MCM6: variants seen among roughly 807,000 people sequenced by gnomAD.
The protein encoded by MCM6 is DNA replication licensing factor MCM6.
A neutral mutation model predicts 94.3 loss-of-function variants in MCM6; 46 were observed. The observed-to-expected ratio is 0.49, with a 90% confidence interval of 0.39 to 0.62. The LOEUF (loss-of-function observed/expected upper bound fraction) is 0.62. Ranked by LOEUF, MCM6 falls within the 20% of genes least tolerant of loss-of-function variation. MCM6 has a pLI of 0.00. For missense variants in MCM6, 865 were observed against 1,017.9 expected (o/e 0.85, Z 2.04); for synonymous variants, 335 against 351.9 (o/e 0.95, Z 0.54).
chr2:135,858,927 T>G (rs1397629587), intron 9 of MCM6, among the ~76,000 whole-genome samples: 1 of 152,180 alleles, frequency 6.6e-6, no homozygotes, highest in Non-Finnish European at 1.5e-5. Flanking sequence ...AGTCTCGCTC[T>G]GTCACCCAGG....
At chr2:135,843,317 T>C (rs1361504341) in intron 16 of MCM6, among the ~76,000 whole-genome samples, 1 of 152,014 alleles carries the variant, frequency 6.6e-6, no homozygotes, top group South Asian at 2.1e-4. Flanking sequence ...ACATCTGGAG[T>C]TTACAGGAGT....
At position 135,851,532 on chromosome 2, in the gene MCM6, T is replaced by A; in HGVS notation, c.1787A>T (p.Glu596Val). The change falls in exon 13 of 17, where the codon GAG becomes GTG. Residue 596 changes from glutamate to valine, a missense_variant. Glu to Val is a moderately radical substitution (Grantham distance 121). Transcript: ENST00000264156. ...ISKESEDFIV[E>V]QYKHLRQRDG... ...TCTCTGGCGGAGATGTTTATATTGC[T>A]CCACAATGAAGTCCTCTGACTCTTT... 6.2e-7 allele frequency: 1 copy of A among 1,611,730 alleles called. No homozygotes were observed. The highest frequency in any genetic ancestry group is 8.5e-7 in the Non-Finnish European group (1 of 1,179,116).
chr2:135,866,828 T>C, intron 4 of MCM6, 100 bp from the exon 5 acceptor site: 1 of 987,628 alleles, frequency 1.0e-6, no homozygotes. Context: ...TATTCTAAAC[T>C]ATCTGACCCA....
chr2:135,842,840 A>C (rs887784739), intron 16 of MCM6, among the ~76,000 whole-genome samples: 16 of 152,122 alleles, frequency 1.1e-4, no homozygotes, highest in African/African-American at 3.9e-4. Context: ...AATTAGGTGA[A>C]TGAGGGGACA....
chr2:135,852,679 G>A, intron 12 of MCM6, 108 bp downstream of exon 12: 1 of 795,246 alleles, frequency 1.3e-6, no homozygotes, highest in Non-Finnish European at 1.8e-6. Context: ...GTAAAATTTA[G>A]GAACTAAGGT....
At chr2:135,872,175 G>A (rs531240876) in intron 2 of MCM6, among the ~76,000 whole-genome samples, 4 of 152,310 alleles carry the variant, frequency 2.6e-5, no homozygotes, top group Non-Finnish European at 5.9e-5. Context: ...GCCGGGCACG[G>A]TGGCTCACGC....
intron 1 of MCM6, among the ~76,000 whole-genome samples, chr2:135,875,288 CG>C (rs1394338577): frequency 6.6e-6 from 1 of 151,794 alleles, no homozygotes; most frequent in Non-Finnish European, 1.5e-5. Flanking sequence ...AGCTTGAACC[CG>C]GGAGACGGAG....
chr2:135,851,312 G>T, intron 13 of MCM6, 90 bp downstream of exon 13: 2 of 987,420 alleles, frequency 2.0e-6, no homozygotes, highest in Non-Finnish European at 2.9e-6. Flanking sequence ...TGTATTTGCA[G>T]TGAATTCTAG....
At chr2:135,855,205 T>A (rs1679849895) in intron 11 of MCM6, among the ~76,000 whole-genome samples, 1 of 152,218 alleles carries the variant, frequency 6.6e-6, no homozygotes, top group African/African-American at 2.4e-5. Context: ...CTTGAATGTT[T>A]TAAAGGTTTA....
intron 6 of MCM6, 130 bp from the exon 7 acceptor site, chr2:135,865,293 T>TA: frequency 1.7e-6 from 1 of 597,298 alleles, no homozygotes; most frequent in Non-Finnish European, 2.6e-6. Context: ...CTGTAAAGGT[T>TA]TAAAAAAAAA....
intron 2 of MCM6, among the ~76,000 whole-genome samples, chr2:135,871,165 A>G (rs1316605693): frequency 2.0e-5 from 3 of 152,186 alleles, no homozygotes; most frequent in South Asian, 2.1e-4. Flanking sequence ...TGTCCTTTTG[A>G]TATGTTTCTA....
intron 16 of MCM6, among the ~76,000 whole-genome samples, chr2:135,843,639 G>A (rs757401640): frequency 2.0e-5 from 3 of 149,284 alleles, no homozygotes; most frequent in African/African-American, 4.9e-5. Flanking sequence ...GGGAGGCTGA[G>A]ACAGGAGAAT....
intron 7 of MCM6, among the ~76,000 whole-genome samples, chr2:135,863,795 A>T (rs1680037400): frequency 1.3e-5 from 2 of 150,994 alleles, no homozygotes; most frequent in Non-Finnish European, 2.9e-5. Flanking sequence ...CCACAAACAA[A>T]ACTTCTCTGA....
intron 8 of MCM6, among the ~76,000 whole-genome samples, chr2:135,861,569 T>C (rs922439594): frequency 6.6e-6 from 1 of 152,216 alleles, no homozygotes; most frequent in African/African-American, 2.4e-5. Context: ...AAAGTTAACA[T>C]AAAATATCTC....
rs1017395569 is a variant in MCM6, at chr2:135,858,073, C to T, written c.1363-69G>A. 4.8e-6 allele frequency: 7 copies of T among 1,444,658 alleles called. No individual in the cohort carries two copies. In the Admixed American group the frequency reaches 5.0e-5, roughly 10 times the overall value. 89.5% of individuals were successfully genotyped at this position (1,444,658 alleles called of 1,614,324 possible). ...GGATGCATGGCTCACACTTGTAATC[C>T]CAGCACTTTGGGAGGCCAAGGCAGG... On this transcript the variant is annotated intron_variant, in intron 9 of 16. Transcript: ENST00000264156.
Position 135,866,146 on chromosome 2 carries a change from G to A in MCM6, c.913C>T (p.Pro305Ser), listed in dbSNP as rs187618645. Residue 305 changes from proline (P) to serine (S), a missense_variant, in exon 6 of 17, where the codon CCA (proline) becomes TCA (serine). Physicochemically the swap from Pro to Ser is moderately conservative, Grantham distance 74 (BLOSUM62 -1). Coordinates refer to ENST00000264156, the MANE Select transcript of MCM6 (RefSeq NM_005915.6). ...RLVFLACCVAPTNPRFGGKEL... is the reference protein window; with the variant it reads ...RLVFLACCVASTNPRFGGKEL... ...AAACGACTGACCCTTGGGTTGGTTG[G>A]CGCAACACAGCAGGCAAGAAAGACC... 1.4e-4 allele frequency: 219 copies of A among 1,614,014 alleles called. 3 individuals are homozygous for A. In the South Asian group the frequency reaches 1.5e-3, roughly 11 times the overall value.
At chr2:135,859,485 T>A (rs200236924) in intron 8 of MCM6, 43 bp from the exon 9 acceptor site, 28 of 1,398,976 alleles carry the variant, frequency 2.0e-5, no homozygotes, top group Non-Finnish European at 2.6e-5. Flanking sequence ...TATGTGATTA[T>A]ACAGCACCCT....
At position 135,848,065 on chromosome 2, in the gene MCM6, C is replaced by G; in HGVS notation, c.2041G>C (p.Gly681Arg). The change falls in exon 14 of 17, where the codon GGT becomes CGT. Residue 681 changes from glycine to arginine, a missense_variant. Gly to Arg is a moderately radical substitution (Grantham distance 125, BLOSUM62 -2). This residue lies in a region of MCM6 where 308 missense variants were observed against 324.5 expected (regional missense o/e 0.95). Coordinates refer to ENST00000264156, the MANE Select transcript of MCM6 (RefSeq NM_005915.6). ...ACAAGTATCTCACCATTGATGCCAC[C>G]AGCACCCTCATCTACCTCCATCTGG... ...EIQMEVDEGA[G>R]GINGHADSPA... The G allele has an allele frequency of 6.2e-7, 1 of 1,610,690 alleles. No homozygotes were observed. The highest frequency in any genetic ancestry group is 8.5e-7 in the Non-Finnish European group (1 of 1,177,224).
chr2:135,861,544 T>G (rs4988196), intron 8 of MCM6, among the ~76,000 whole-genome samples: 10,042 of 152,260 alleles, frequency 0.066, 892 homozygotes, highest in African/African-American at 0.2. Flanking sequence ...AGTCAAAAAT[T>G]GTGTTCACAC....
Sources: gnomAD v4.1 joint callset for allele counts (sites outside exome capture counted in the v4.1 genomes callset) on GRCh38, gnomAD v4.1.1 for gene constraint, gnomAD v4.1.1 regional missense constraint, MANE v1.5 for transcripts, NCBI Gene and HGNC (gene_info 2026-07-23, HGNC 2026-07-21) for gene names.